The following HPSE2 variants were observed in gnomAD, a reference collection of about 807,000 sequenced individuals.
HPSE2 encodes heparanase 2 (inactive), also known as inactive heparanase-2.
In HPSE2, 38 loss-of-function variants were observed where a neutral mutation model predicts 60.5. The ratio of observed to expected loss-of-function variants is 0.63; its 90% CI spans 0.48 to 0.82. The LOEUF is 0.82. Ranked by LOEUF, HPSE2 falls within the 40% of genes least tolerant of loss-of-function variation. The probability of loss-of-function intolerance (pLI) is 0.00; values close to 1 mark genes in which losing one functional copy is unlikely to be tolerated. For missense variants in HPSE2, 713 were observed against 740.4 expected, an observed-to-expected ratio of 0.96 and a Z score of 0.43; for synonymous variants, 295 against 293.2, an observed-to-expected ratio of 1.01 and a Z score of -0.06.
At chr10:99,136,049 T>C (rs1214956551) in intron 3 of HPSE2, among the ~76,000 whole-genome samples, 1 of 151,770 alleles carries the variant, frequency 6.6e-6, no homozygotes, top group Non-Finnish European at 1.5e-5. Flanking sequence ...AAAAATGATA[T>C]AGGTGATATC....
intron 3 of HPSE2, among the ~76,000 whole-genome samples, chr10:99,005,920 G>A (rs1364495171): frequency 1.3e-5 from 2 of 152,120 alleles, no homozygotes; most frequent in African/African-American, 2.4e-5. Flanking sequence ...ATGTAGCCTC[G>A]TAACTGGGTC....
At chr10:98,769,743 T>C (rs2134415616) in intron 3 of HPSE2, among the ~76,000 whole-genome samples, 1 of 152,140 alleles carries the variant, frequency 6.6e-6, no homozygotes, top group East Asian at 1.9e-4. Flanking sequence ...ATTAGTCACT[T>C]GGGTACTGAG....
At chr10:99,010,489 TAA>T (rs1327063943) in intron 3 of HPSE2, among the ~76,000 whole-genome samples, 2 of 152,200 alleles carry the variant, frequency 1.3e-5, no homozygotes, top group Non-Finnish European at 2.9e-5. Flanking sequence ...GCAGAAATTT[TAA>T]GAGAGGCAGT....
At chr10:98,998,207 A>G (rs901977200) in intron 3 of HPSE2, among the ~76,000 whole-genome samples, 2 of 152,240 alleles carry the variant, frequency 1.3e-5, no homozygotes, top group African/African-American at 4.8e-5. Context: ...AATAGAAAAG[A>G]GAAAGTTGTG....
In HPSE2 at chr10:99,013,040, C is replaced by A. The variant is rs1957053186; in HGVS notation, c.610+131198G>T. On this transcript the variant is annotated intron_variant, in intron 3 of 11. Transcript: ENST00000370552. Reference sequence around the variant, plus strand: ...ATATCTAAATCTTTAATTGCTGCAGCTTTCAGGTAAAGTTTAGCACTTCAT... The same window carrying A: ...ATATCTAAATCTTTAATTGCTGCAGATTTCAGGTAAAGTTTAGCACTTCAT... 48 of 463,732 alleles carry A rather than the reference C, an allele frequency of 1.0e-4. 1 individual carries two copies. The South Asian group carries it at 1.2e-3, about 11-fold the overall frequency. 28.7% of individuals were successfully genotyped at this position (463,732 alleles called of 1,614,324 possible).
chr10:98,754,203 C>T (rs1043151278), intron 3 of HPSE2, among the ~76,000 whole-genome samples: 3 of 152,112 alleles, frequency 2.0e-5, no homozygotes, highest in Non-Finnish European at 2.9e-5. Context: ...ACAAAAATTT[C>T]GTGATACAAT....
chr10:99,120,880 A>G (rs990965867), intron 3 of HPSE2, among the ~76,000 whole-genome samples: 12 of 152,218 alleles, frequency 7.9e-5, no homozygotes, highest in African/African-American at 2.9e-4. Context: ...TAGTTCAACC[A>G]TTGAGGAAAA....
intron 3 of HPSE2, among the ~76,000 whole-genome samples, chr10:98,900,684 T>C (rs1407461908): frequency 6.6e-6 from 1 of 152,150 alleles, no homozygotes; most frequent in African/African-American, 2.4e-5. Context: ...TCAAAGTAGA[T>C]AAAATGTAAA....
At chr10:98,807,047 G>A (rs1378132770) in intron 3 of HPSE2, among the ~76,000 whole-genome samples, 1 of 152,154 alleles carries the variant, frequency 6.6e-6, no homozygotes, top group Non-Finnish European at 1.5e-5. Flanking sequence ...GGAGGCTGAG[G>A]CAGGAGAATT....
chr10:99,037,034 T>C (rs753721481), intron 3 of HPSE2, among the ~76,000 whole-genome samples: 2 of 152,130 alleles, frequency 1.3e-5, no homozygotes, highest in African/African-American at 4.8e-5. Context: ...TCTGAAATGA[T>C]GTAAAGAGAA....
intron 2 of HPSE2, among the ~76,000 whole-genome samples, chr10:99,171,902 C>T (rs1847326038): frequency 6.6e-6 from 1 of 151,978 alleles, no homozygotes; most frequent in Non-Finnish European, 1.5e-5. Context: ...GACTTATTAT[C>T]ATTTAGGAAT....
intron 9 of HPSE2, among the ~76,000 whole-genome samples, chr10:98,571,390 C>T (rs1944489009): frequency 6.6e-6 from 1 of 152,112 alleles, no homozygotes; most frequent in Non-Finnish European, 1.5e-5. Flanking sequence ...GGGGATCATA[C>T]TGCACAGACT....
At chr10:99,084,735 TG>T (rs1365087489) in intron 3 of HPSE2, among the ~76,000 whole-genome samples, 6 of 152,208 alleles carry the variant, frequency 3.9e-5, no homozygotes, top group Non-Finnish European at 8.8e-5. Flanking sequence ...CAGAACCTCT[TG>T]TAAATGCTTG....
chr10:99,311,787 G>A, the HPSE2 span, among the ~76,000 whole-genome samples: 3 of 152,344 alleles, frequency 2.0e-5, no homozygotes, highest in Admixed American at 2.0e-4. Flanking sequence ...AGGAAGGTAT[G>A]TCAAAAGCTG....
At chr10:98,807,867 A>G (rs1028521380) in intron 3 of HPSE2, among the ~76,000 whole-genome samples, 3 of 152,212 alleles carry the variant, frequency 2.0e-5, no homozygotes, top group Admixed American at 1.3e-4. Flanking sequence ...GCCATTTATT[A>G]AAGCGTACTG....
intron 9 of HPSE2, among the ~76,000 whole-genome samples, chr10:98,551,000 A>G (rs550339664): frequency 6.6e-6 from 1 of 152,208 alleles, no homozygotes. Flanking sequence ...AAAAGAATAA[A>G]TGAATACAAA....
intron 4 of HPSE2, among the ~76,000 whole-genome samples, chr10:98,737,131 T>C (rs1949378673): frequency 6.6e-6 from 1 of 152,118 alleles, no homozygotes; most frequent in Non-Finnish European, 1.5e-5. Flanking sequence ...GAAAATACAG[T>C]TTTCTAAAGC....
intron 3 of HPSE2, among the ~76,000 whole-genome samples, chr10:98,881,663 T>C (rs1251361180): frequency 6.6e-6 from 1 of 152,098 alleles, no homozygotes; most frequent in African/African-American, 2.4e-5. Context: ...TTGCTTTCTA[T>C]ATCAACATAT....
rs1374584179 is a variant in HPSE2 at position 99,210,948 on chromosome 10, G to A, written c.448+21400C>T. 2.6e-5 allele frequency among the ~76,000 whole-genome samples: 4 copies of A among 152,156 alleles called. No individual in the cohort carries two copies. In the South Asian group the frequency reaches 6.2e-4, roughly 24 times the overall value. The stretch of plus-strand genomic sequence containing the variant: ...AATTAGGCATAAAGAAGAAATAAAG[G>A]CTCCAAGTTGGAAAGGAAGAAGTTA... On this transcript the variant is annotated intron_variant, in intron 2 of 11. Coordinates refer to ENST00000370552, the MANE Select transcript of HPSE2 (RefSeq NM_021828.5).
Sources: allele counts gnomAD v4.1 joint callset (sites outside exome capture counted in the v4.1 genomes callset), GRCh38; gene constraint gnomAD v4.1.1; transcripts MANE v1.5; gene names NCBI Gene and HGNC (gene_info 2026-07-23, HGNC 2026-07-21).